Variants in CDH18 observed in about 807,000 individuals in gnomAD.
CDH18 encodes cadherin-18.
Under a neutral mutation model 67.9 loss-of-function variants are expected in CDH18, and 31 were observed. That is an observed-to-expected ratio of 0.46 (90% CI 0.34 to 0.62). The LOEUF (loss-of-function observed/expected upper bound fraction) is 0.62, where lower values mean the gene tolerates loss of function less well. Ranked by LOEUF, CDH18 falls within the 20% of genes least tolerant of loss-of-function variation. The pLI is 0.01. For synonymous variants in CDH18, 362 were observed against 347.2 expected (o/e 1.04, Z -0.48); for missense variants, 890 against 975.5 (o/e 0.91, Z 1.17).
chr5:19,649,669 C>A (rs1755283436), intron 5 of CDH18, among the ~76,000 whole-genome samples: 1 of 151,950 alleles, frequency 6.6e-6, no homozygotes, highest in Non-Finnish European at 1.5e-5. Context: ...TCAATGCCCA[C>A]AGTTCTTCTA....
chr5:20,564,401 C>T (rs940154413), intron 1 of CDH18, among the ~76,000 whole-genome samples: 4 of 151,930 alleles, frequency 2.6e-5, no homozygotes, highest in Non-Finnish European at 5.9e-5. Flanking sequence ...CCTCAGGTTC[C>T]TGAGTATCTG....
chr5:19,880,792 C>G (rs1787558299), intron 2 of CDH18, among the ~76,000 whole-genome samples: 1 of 152,172 alleles, frequency 6.6e-6, no homozygotes, highest in Non-Finnish European at 1.5e-5. Flanking sequence ...GTTTGAAACA[C>G]TTGTATGCTC....
At chr5:19,540,421 GC>G (rs558938230) in intron 9 of CDH18, among the ~76,000 whole-genome samples, 5 of 152,032 alleles carry the variant, frequency 3.3e-5, no homozygotes, top group Non-Finnish European at 7.4e-5. Context: ...GAGGATGTTG[GC>G]CCTCTTCTCA....
chr5:20,039,550 A>G (rs1740214518), intron 2 of CDH18, among the ~76,000 whole-genome samples: 1 of 152,154 alleles, frequency 6.6e-6, no homozygotes, highest in African/African-American at 2.4e-5. Context: ...CCACACATCT[A>G]CAATGATCTG....
chr5:20,427,516 CTT>C (rs1255490559), intron 1 of CDH18, among the ~76,000 whole-genome samples: 1 of 151,078 alleles, frequency 6.6e-6, no homozygotes, highest in East Asian at 1.9e-4. Context: ...AATTCTAAGA[CTT>C]TTTGTTTTCA....
intron 6 of CDH18, among the ~76,000 whole-genome samples, chr5:19,610,699 A>G (rs1040378972): frequency 3.9e-5 from 6 of 152,086 alleles, no homozygotes; most frequent in Non-Finnish European, 5.9e-5. Flanking sequence ...TTGAGTCTGA[A>G]TTATCGCTTA....
intron 2 of CDH18, among the ~76,000 whole-genome samples, chr5:19,997,639 G>A (rs1367565856): frequency 6.6e-6 from 1 of 152,060 alleles, no homozygotes; most frequent in Non-Finnish European, 1.5e-5. Flanking sequence ...CCAACAGAAA[G>A]TATACTTTAA....
intron 1 of CDH18, among the ~76,000 whole-genome samples, chr5:20,314,114 C>A (rs879688110): frequency 4.6e-5 from 7 of 151,958 alleles, no homozygotes; most frequent in African/African-American, 1.7e-4. Context: ...TACTTTGTAG[C>A]AAAACCATAG....
chr5:20,350,647 C>G (rs564454157), intron 1 of CDH18, among the ~76,000 whole-genome samples: 3 of 152,144 alleles, frequency 2.0e-5, no homozygotes, highest in African/African-American at 7.2e-5. Flanking sequence ...TGTTTCATGA[C>G]TTTTATGGGT....
chr5:20,467,476 G>A (rs1205001035), intron 1 of CDH18, among the ~76,000 whole-genome samples: 1 of 152,090 alleles, frequency 6.6e-6, no homozygotes, highest in African/African-American at 2.4e-5. Flanking sequence ...AGCTGTTGCA[G>A]GAAATCAGCT....
At chr5:20,409,040 T>C (rs1746540423) in intron 1 of CDH18, among the ~76,000 whole-genome samples, 2 of 151,884 alleles carry the variant, frequency 1.3e-5, no homozygotes, top group African/African-American at 4.8e-5. Context: ...ATTATAGATA[T>C]GTATGCCTCT....
intron 10 of CDH18, among the ~76,000 whole-genome samples, chr5:19,507,141 G>A (rs141076435): frequency 6.6e-6 from 1 of 152,074 alleles, no homozygotes; most frequent in Non-Finnish European, 1.5e-5. Context: ...GCAGCCAAAA[G>A]ACACATGAAA....
intron 3 of CDH18, among the ~76,000 whole-genome samples, chr5:19,822,012 T>G (rs1041976344): frequency 4.6e-5 from 7 of 152,132 alleles, no homozygotes; most frequent in Non-Finnish European, 8.8e-5. Context: ...AAAGACACAC[T>G]TAAGTACTTA....
At chr5:19,539,162 C>T (rs1276672189) in intron 9 of CDH18, among the ~76,000 whole-genome samples, 1 of 152,104 alleles carries the variant, frequency 6.6e-6, no homozygotes, top group Admixed American at 6.5e-5. Flanking sequence ...TTTCTATACA[C>T]CTGTTTATGA....
chr5:20,224,707 T>C (rs1741476968), intron 2 of CDH18, among the ~76,000 whole-genome samples: 1 of 152,122 alleles, frequency 6.6e-6, no homozygotes, highest in Admixed American at 6.6e-5. Flanking sequence ...TGTTTCTCTT[T>C]TTACAGACAT....
At chr5:19,532,710 T>C (rs1580054340) in intron 9 of CDH18, among the ~76,000 whole-genome samples, 3 of 152,158 alleles carry the variant, frequency 2.0e-5, no homozygotes, top group East Asian at 1.9e-4. Context: ...ATACCCCAGG[T>C]AAGGGGTGAA....
chr5:20,208,948 A>G (rs1740132323), intron 2 of CDH18, among the ~76,000 whole-genome samples: 1 of 152,156 alleles, frequency 6.6e-6, no homozygotes, highest in Non-Finnish European at 1.5e-5. Context: ...AGCTCTGAAT[A>G]GATATTTCGC....
In CDH18 at chr5:20,142,449, A is replaced by G. The variant is rs560751540; in HGVS notation, c.-518+112995T>C. On this transcript the variant is annotated intron_variant, in intron 2 of 14. Coordinates refer to the CDH18 transcript ENST00000507958. ...ACAAAAATTGGCCCGGCGTGGTGGC[A>G]AGCACCCGTAGTCTCAACTATTTGG... Among the ~76,000 whole-genome samples the G allele has an allele frequency of 1.7e-4, 26 of 151,950 alleles. 1 individual carries two copies. The South Asian group carries it at 5.4e-3, about 32-fold the overall frequency.
chr5:20,105,138 G>A (rs1746815423), intron 2 of CDH18, among the ~76,000 whole-genome samples: 1 of 151,632 alleles, frequency 6.6e-6, no homozygotes, highest in African/African-American at 2.4e-5. Context: ...CAGGCATATG[G>A]AACTAGACCT....
Sources: allele counts gnomAD v4.1 joint callset (sites outside exome capture counted in the v4.1 genomes callset), GRCh38; gene constraint gnomAD v4.1.1; transcripts MANE v1.5; gene names NCBI Gene and HGNC (gene_info 2026-07-23, HGNC 2026-07-21).